FHAD1: variants seen among roughly 807,000 people sequenced by gnomAD.
FHAD1 encodes forkhead associated phosphopeptide binding domain 1.
Under a neutral mutation model 191.3 loss-of-function variants are expected in FHAD1, and 146 were observed. That is an observed-to-expected ratio of 0.76 (90% CI 0.67 to 0.88). FHAD1 has a LOEUF of 0.88. Ranked by LOEUF, FHAD1 falls within the 40% of genes least tolerant of loss-of-function variation. FHAD1 has a pLI of 0.00. For synonymous variants in FHAD1, 616 were observed against 672.3 expected (o/e 0.92, Z 1.29); for missense variants, 1,635 against 1,785.8 (o/e 0.92, Z 1.52).
intron 18 of FHAD1, among the ~76,000 whole-genome samples, chr1:15,348,192 T>C (rs905122786): frequency 1.3e-5 from 2 of 152,244 alleles, no homozygotes; most frequent in African/African-American, 2.4e-5. Context: ...TCAACTACTT[T>C]TCACTGCAAA....
intron 21 of FHAD1, among the ~76,000 whole-genome samples, chr1:15,359,600 C>T (rs1248029782): frequency 1.3e-5 from 2 of 152,024 alleles, no homozygotes; most frequent in East Asian, 1.9e-4. Flanking sequence ...GTAATCTCAG[C>T]ACTTTGGGAG....
chr1:15,387,959 T>G (rs1480189455), intron 31 of FHAD1, 92 bp from the exon 32 acceptor site: 1 of 558,278 alleles, frequency 1.8e-6, no homozygotes, highest in African/African-American at 1.9e-5. Context: ...TCCCAGCGTC[T>G]CCTAGAAACC....
At chr1:15,400,931 C>G (rs1215864468), downstream of FHAD1, among the ~76,000 whole-genome samples, 2 of 152,184 alleles carry the variant, frequency 1.3e-5, no homozygotes, top group Non-Finnish European at 2.9e-5. Flanking sequence ...GGGAGGAGCT[C>G]CAGATTTTTA....
chr1:15,274,374 G>A (rs146766488), intron 3 of FHAD1, among the ~76,000 whole-genome samples: 4 of 152,104 alleles, frequency 2.6e-5, no homozygotes, highest in Non-Finnish European at 4.4e-5. Context: ...TTGGGAGGCC[G>A]AGCCGGGCAG....
intron 21 of FHAD1, 36 bp downstream of exon 21, chr1:15,358,319 C>T: frequency 6.6e-7 from 1 of 1,513,730 alleles, no homozygotes; most frequent in African/African-American, 1.4e-5. Flanking sequence ...GAGAATTTTT[C>T]TCTCAATGGA....
Position 15,289,787 on chromosome 1 carries a change from T to A in FHAD1, c.568+121T>A, listed in dbSNP as rs1259657049. On this transcript the variant is annotated intron_variant, in intron 4 of 33. Coordinates refer to ENST00000688493, the MANE Select transcript of FHAD1 (RefSeq NM_001391957.1). The surrounding 1 kb of genome is among the most constrained non-coding windows in gnomAD (Gnocchi z 4.2). Reference sequence around the variant, plus strand: ...CATATTCAATTGTAAAAAATGAAAATAAATTCAGGATAAGCAGAAAGTAAG... The same window carrying A: ...CATATTCAATTGTAAAAAATGAAAAAAAATTCAGGATAAGCAGAAAGTAAG... The A allele has an allele frequency of 5.8e-6, 8 of 1,383,400 alleles. No individual in the cohort carries two copies. Among genetic ancestry groups the A allele is most frequent in the Non-Finnish European group, 5.7e-6 (6 of 1,049,530 alleles). The allele number at this position is 1,383,400 out of a possible 1,614,324, so 85.7% of individuals were successfully genotyped here.
Position 15,289,403 on chromosome 1 carries a change from C to G in FHAD1, c.305C>G (p.Ser102Cys). 6.4e-7 allele frequency: 1 copy of G among 1,551,602 alleles called. No homozygotes were observed. The highest frequency in any genetic ancestry group is 8.7e-7 in the Non-Finnish European group (1 of 1,146,950). ...GACCCTTGTCTGCCCCTGCAGGTCT[C>G]TTTCCCATGGATGAGGGGCCCAGCA... Reference protein sequence around the residue: ...ELVIENPPPVSFPWMRGPAPW... With the variant: ...ELVIENPPPVCFPWMRGPAPW... Residue 102 changes from serine (S) to cysteine (C), a missense_variant, in exon 4 of 34, where the codon TCT (serine) becomes TGT (cysteine). Ser to Cys is a moderately radical substitution (Grantham distance 112). Transcript: ENST00000688493. This position sits in a 1 kb window ranked among gnomAD's most constrained non-coding sequence, Gnocchi z 4.2.
Position 15,247,308 on chromosome 1 carries a change from G to A in FHAD1, c.-102G>A. The A allele has an allele frequency of 4.8e-6, 1 of 210,204 alleles. No homozygotes were observed. Among genetic ancestry groups the A allele is most frequent in the South Asian group, 4.2e-5 (1 of 23,542 alleles). 13.0% of individuals were successfully genotyped at this position (210,204 alleles called of 1,614,324 possible). On this transcript the variant is annotated 5_prime_UTR_variant, in exon 1 of 34. Coordinates refer to ENST00000688493, the MANE Select transcript of FHAD1 (RefSeq NM_001391957.1). Reference sequence around the variant, plus strand: ...GGAGACTCCGCGGGAGCGCGGCCGGGAGGCTTCGCCCCGGAGCTGGCCCGA... The same window carrying A: ...GGAGACTCCGCGGGAGCGCGGCCGGAAGGCTTCGCCCCGGAGCTGGCCCGA...
chr1:15,402,112 A>G (rs1012967723), downstream of FHAD1, among the ~76,000 whole-genome samples: 64 of 152,324 alleles, frequency 4.2e-4, no homozygotes, highest in African/African-American at 1.3e-3. Flanking sequence ...TGGTCTTATC[A>G]TCAGAGAGTA....
chr1:15,377,224 T>C (rs889707795), intron 28 of FHAD1, among the ~76,000 whole-genome samples: 1 of 152,206 alleles, frequency 6.6e-6, no homozygotes, highest in Non-Finnish European at 1.5e-5. Flanking sequence ...TGGCAGTTTT[T>C]CTGGACATTT....
chr1:15,310,959 C>T (rs1003085845), intron 7 of FHAD1, among the ~76,000 whole-genome samples: 1 of 152,158 alleles, frequency 6.6e-6, no homozygotes, highest in African/African-American at 2.4e-5. Flanking sequence ...CTGCCTGAAA[C>T]AACTCAAACA....
rs1355998270 is a variant in FHAD1, at chr1:15,350,089, ACGGTT to A, written c.2454+943_2454+947del. Among the ~76,000 whole-genome samples, 59 of 152,322 alleles carry A rather than the reference ACGGTT, an allele frequency of 3.9e-4. 1 individual carries two copies. The highest frequency in any genetic ancestry group is 1.3e-3 in the African/African-American group (56 of 41,570). On this transcript the variant is annotated intron_variant, in intron 19 of 33. Transcript: ENST00000688493. ...AGAAACAGAGCTGATGGCTCAGTGA[ACGGTT>A]CGATTCGGTTTCATTCATCCGCCCA...
At chr1:15,275,184 G>A (rs10927760) in intron 3 of FHAD1, among the ~76,000 whole-genome samples, 45 of 152,110 alleles carry the variant, frequency 3.0e-4, no homozygotes, top group African/African-American at 7.2e-4. Flanking sequence ...GGATGGTCTC[G>A]ATCTCCTGAC....
At chr1:15,278,813 G>A in intron 3 of FHAD1, among the ~76,000 whole-genome samples, 1 of 152,040 alleles carries the variant, frequency 6.6e-6, no homozygotes, top group East Asian at 1.9e-4. Flanking sequence ...ACACATACAT[G>A]TATATGCATT....
chr1:15,290,611 G>C (rs1297925494), intron 4 of FHAD1, among the ~76,000 whole-genome samples: 4 of 151,950 alleles, frequency 2.6e-5, no homozygotes, highest in Admixed American at 6.6e-5. Context: ...CATCATCACC[G>C]TCATCATCAA....
In FHAD1 at chr1:15,328,373, CAGG is replaced by C. The variant is rs1457730436; in HGVS notation, c.1660_1662del (p.Glu554del). ...AGAGACCCAGCTGAGCAACTCCAAG[CAGG>C]AGGAGACCACCGAGAACATCGAGAA... On this transcript the variant is annotated inframe_deletion, in exon 13 of 34. Transcript: ENST00000688493. The C allele has an allele frequency of 1.4e-6, 2 of 1,470,618 alleles. No homozygotes were observed. The highest frequency in any genetic ancestry group is 2.2e-5 in the Admixed American group (1 of 44,934). 91.1% of individuals were successfully genotyped at this position (1,470,618 alleles called of 1,614,324 possible).
Position 15,374,592 on chromosome 1 carries a change from C to T in FHAD1, c.3538C>T (p.Arg1180Ter), listed in dbSNP as rs369142345. 43 of 1,551,680 alleles carry T rather than the reference C, an allele frequency of 2.8e-5. No individual in the cohort carries two copies. Among genetic ancestry groups the T allele is most frequent in the South Asian group, 1.7e-4 (14 of 84,060 alleles). Residue 1180 changes from arginine (R) to a stop codon, truncating the protein, a stop_gained, in exon 27 of 34, where the codon CGA becomes TGA. Coordinates refer to ENST00000688493, the MANE Select transcript of FHAD1 (RefSeq NM_001391957.1). LOFTEE classifies it high-confidence loss of function. ...QRQKKALSELRARIKELEKAR... is the reference protein window; with the variant it reads ...QRQKKALSEL ...TCAGAAAAAGGCCTTATCTGAACTT[C>T]GAGCGCGAATTAAAGAACTCGAGAA... is the stretch of plus-strand genomic sequence containing the variant.
intron 1 of FHAD1, among the ~76,000 whole-genome samples, chr1:15,237,398 G>A (rs1242240482): frequency 6.6e-6 from 1 of 152,048 alleles, no homozygotes; most frequent in East Asian, 1.9e-4. Context: ...CTCCTGCAAT[G>A]CCTTTCTCTT....
chr1:15,272,814 A>G (rs915442937), intron 3 of FHAD1, among the ~76,000 whole-genome samples: 1 of 152,218 alleles, frequency 6.6e-6, no homozygotes, highest in Non-Finnish European at 1.5e-5. Context: ...GGAGGCGGAA[A>G]ACAAGGTGTG....
Sources: gnomAD v4.1 joint callset for allele counts (sites outside exome capture counted in the v4.1 genomes callset) on GRCh38, gnomAD v4.1.1 for gene constraint, Gnocchi (gnomAD v3.1) non-coding constraint, MANE v1.5 for transcripts, NCBI Gene and HGNC (gene_info 2026-07-23, HGNC 2026-07-21) for gene names.